The following SLC14A2 variants were observed in gnomAD, a reference collection of about 807,000 sequenced individuals.
The protein encoded by SLC14A2 is solute carrier family 14 member 2.
Under a neutral mutation model 104.6 loss-of-function variants are expected in SLC14A2, and 91 were observed. That is an observed-to-expected ratio of 0.87 (90% confidence interval 0.73 to 1.04). The LOEUF (loss-of-function observed/expected upper bound fraction) is 1.04. Among genes scored for constraint, SLC14A2 ranks in the 50% least tolerant of loss-of-function variants. The pLI is 0.00. For missense variants in SLC14A2, 1,189 were observed against 1,156.0 expected (o/e 1.03, Z -0.41); for synonymous variants, 476 against 466.4 (o/e 1.02, Z -0.27).
chr18:45,376,344 T>C (rs906191901), intron 1 of SLC14A2, among the ~76,000 whole-genome samples: 1 of 152,166 alleles, frequency 6.6e-6, no homozygotes, highest in African/African-American at 2.4e-5. Context: ...GTTTGAGAAA[T>C]GACAGAACCA....
At chr18:45,241,639 CTTTTTTTTTTTT>C (rs370878349) in intron 1 of SLC14A2, among the ~76,000 whole-genome samples, 1 of 118,042 alleles carries the variant, frequency 8.5e-6, no homozygotes, top group Non-Finnish European at 1.7e-5. Context: ...TTTCTTTTCT[CTTTTTTTTTTTT>C]TTTTTTTTTG....
chr18:45,171,022 A>T, the SLC14A2 span, among the ~76,000 whole-genome samples: 1 of 152,180 alleles, frequency 6.6e-6, no homozygotes, highest in African/African-American at 2.4e-5. Context: ...GTAAGTACAC[A>T]TGGAATGACT....
chr18:45,647,288 G>A (rs889262594), intron 10 of SLC14A2: 2 of 152,190 alleles, frequency 1.3e-5, no homozygotes, highest in Non-Finnish European at 2.9e-5. Flanking sequence ...AGCTTTAAAT[G>A]TTTGTGGCCA....
chr18:45,168,640 C>G, the SLC14A2 span: 1 of 152,058 alleles, frequency 6.6e-6, no homozygotes, highest in Non-Finnish European at 1.5e-5. Context: ...AAAGTGACTT[C>G]CTTTTGAAAA....
intron 2 of SLC14A2, among the ~76,000 whole-genome samples, chr18:45,512,729 CA>C (rs1479047385): frequency 6.6e-6 from 1 of 152,116 alleles, no homozygotes; most frequent in Non-Finnish European, 1.5e-5. Flanking sequence ...CTGGTGAGGG[CA>C]CAAGATTTAC....
At chr18:45,338,938 C>G (rs1402140573) in intron 1 of SLC14A2, among the ~76,000 whole-genome samples, 1 of 148,722 alleles carries the variant, frequency 6.7e-6, no homozygotes, top group Non-Finnish European at 1.5e-5. Flanking sequence ...GATTCTTATA[C>G]CTTTTTTTTT....
At chr18:45,622,669 T>C (rs1358553695) in intron 1 of SLC14A2, among the ~76,000 whole-genome samples, 1 of 151,126 alleles carries the variant, frequency 6.6e-6, no homozygotes, top group African/African-American at 2.4e-5. Flanking sequence ...CAAAAGAGAG[T>C]GTGAAGGAGC....
intron 1 of SLC14A2, among the ~76,000 whole-genome samples, chr18:45,235,540 G>A (rs1186723986): frequency 2.0e-5 from 3 of 151,822 alleles, no homozygotes; most frequent in East Asian, 3.9e-4. Flanking sequence ...CTGTAATTTT[G>A]TATCTTTTAA....
chr18:45,288,551 C>T (rs2084838221), intron 1 of SLC14A2, among the ~76,000 whole-genome samples: 1 of 152,168 alleles, frequency 6.6e-6, no homozygotes, highest in African/African-American at 2.4e-5. Flanking sequence ...ATATGCTTTC[C>T]TACAATCTCT....
chr18:45,285,646 G>A (rs1299321121), intron 1 of SLC14A2, among the ~76,000 whole-genome samples: 3 of 130,250 alleles, frequency 2.3e-5, no homozygotes, highest in African/African-American at 9.9e-5. Flanking sequence ...TCGAACTCCT[G>A]ACCTCAGGTG....
intron 1 of SLC14A2, among the ~76,000 whole-genome samples, chr18:45,372,350 A>G (rs1340619733): frequency 5.7e-5 from 8 of 140,144 alleles, no homozygotes; most frequent in Admixed American, 7.0e-5. Flanking sequence ...TTTCTATTAG[A>G]TAAAATTTCT....
intron 1 of SLC14A2, among the ~76,000 whole-genome samples, chr18:45,318,996 G>C (rs549128683): frequency 3.3e-5 from 5 of 152,250 alleles, no homozygotes; most frequent in African/African-American, 4.8e-5. Context: ...CCAGCTCAGA[G>C]ACCCCAGTAC....
chr18:45,363,381 A>C (rs555804365), intron 1 of SLC14A2, among the ~76,000 whole-genome samples: 9 of 151,680 alleles, frequency 5.9e-5, no homozygotes, highest in Non-Finnish European at 1.3e-4. Flanking sequence ...AGAAAGAAAG[A>C]AAGCTGCTAA....
chr18:45,602,560 C>T (rs190517591), intron 2 of SLC14A2, among the ~76,000 whole-genome samples: 1 of 152,148 alleles, frequency 6.6e-6, no homozygotes, highest in Non-Finnish European at 1.5e-5. Context: ...ACTTTCACCC[C>T]CATACTCACT....
intron 11 of SLC14A2, 47 bp downstream of exon 11, chr18:45,663,954 T>A: frequency 2.6e-6 from 4 of 1,555,244 alleles, no homozygotes; most frequent in Non-Finnish European, 3.5e-6. Flanking sequence ...CTTCCTAGTC[T>A]CTAATAAAAC....
intron 2 of SLC14A2, among the ~76,000 whole-genome samples, chr18:45,571,045 T>TGTCA (rs1334743214): frequency 2.0e-5 from 3 of 152,186 alleles, no homozygotes; most frequent in African/African-American, 7.2e-5. Flanking sequence ...ATTAAAGGTG[T>TGTCA]GTCACTTTAG....
rs1555682873 is a variant in SLC14A2, at chr18:45,403,776, A to ATGAATGAATGAATGAATGAATGAG, written c.-124-79448_-124-79447insGAATGAATGAATGAGTGAATGAAT. ...TAATCAGTGATGAATGAATGAATGA[A>ATGAATGAATGAATGAATGAATGAG]TGAATGAATAAATGAGTGGACATTC... On this transcript the variant is annotated intron_variant, in intron 1 of 20. Transcript: ENST00000586448. 3.3e-3 allele frequency among the ~76,000 whole-genome samples: 506 copies of ATGAATGAATGAATGAATGAATGAG among 152,126 alleles called. 3 individuals carry two copies. Among genetic ancestry groups the ATGAATGAATGAATGAATGAATGAG allele is most frequent in the African/African-American group, 7.3e-3 (302 of 41,474 alleles).
chr18:45,540,872 A>G (rs558221287), intron 2 of SLC14A2, among the ~76,000 whole-genome samples: 2 of 152,100 alleles, frequency 1.3e-5, no homozygotes, highest in African/African-American at 4.8e-5. Flanking sequence ...GTAAAACTCT[A>G]TGAAGTCTTG....
At chr18:45,489,668 C>A (rs2087682521) in intron 2 of SLC14A2, among the ~76,000 whole-genome samples, 1 of 152,126 alleles carries the variant, frequency 6.6e-6, no homozygotes, top group Admixed American at 6.5e-5. Context: ...TCCCAGCTGT[C>A]CCCAGCCCAT....
Sources: gnomAD v4.1 joint callset for allele counts (sites outside exome capture counted in the v4.1 genomes callset) on GRCh38, gnomAD v4.1.1 for gene constraint, MANE v1.5 for transcripts, NCBI Gene and HGNC (gene_info 2026-07-23, HGNC 2026-07-21) for gene names.